The following DDX19A variants were observed in gnomAD, a reference collection of about 807,000 sequenced individuals.
DDX19A encodes the protein DEAD-box helicase 19A, also known as ATP-dependent RNA helicase DDX19A.
A neutral mutation model predicts 60.6 loss-of-function variants in DDX19A; 12 were observed. The ratio of observed to expected loss-of-function variants is 0.20; its 90% confidence interval spans 0.13 to 0.32. DDX19A has a LOEUF of 0.32. DDX19A is among the 10% of genes least tolerant of loss of function. The pLI is 1.00. For missense variants in DDX19A, 337 were observed against 600.6 expected, an observed-to-expected ratio of 0.56 and a Z score of 4.59; for synonymous variants, 206 against 218.2, an observed-to-expected ratio of 0.94 and a Z score of 0.49.
rs1010678066 is a variant in DDX19A at position 70,362,887 on chromosome 16, A to G, written c.386+1377A>G. On this transcript the variant is annotated intron_variant, in intron 5 of 11. Coordinates refer to ENST00000302243, the MANE Select transcript of DDX19A (RefSeq NM_018332.5). Reference sequence around the variant, plus strand: ...AAATTAGCCGGGCTTGGTGGCGCACACCTGTAATCCCAGCTGCTAGGGAGG... The same window carrying G: ...AAATTAGCCGGGCTTGGTGGCGCACGCCTGTAATCCCAGCTGCTAGGGAGG... Among the ~76,000 whole-genome samples the G allele has an allele frequency of 7.9e-5, 12 of 151,340 alleles. 1 individual carries two copies. In the East Asian group the frequency reaches 1.4e-3, roughly 17 times the overall value.
chr16:70,364,846 C>A, intron 6 of DDX19A, 171 bp from the exon 7 acceptor site: 1 of 673,352 alleles, frequency 1.5e-6, no homozygotes. Context: ...AGGCCTCTGC[C>A]AAGCCAGGGC....
intron 9 of DDX19A, among the ~76,000 whole-genome samples, chr16:70,369,971 T>C (rs1178063038): frequency 2.0e-5 from 3 of 152,104 alleles, no homozygotes; most frequent in Non-Finnish European, 4.4e-5. Context: ...TGTTGCACTA[T>C]ATCGGGTTTA....
At chr16:70,356,803 T>G (rs1372526768) in intron 4 of DDX19A, 1 of 1,055,450 alleles carries the variant, frequency 9.5e-7, no homozygotes, top group African/African-American at 1.7e-5. Context: ...TGCTTCAAAT[T>G]GATTTATCAT....
chr16:70,361,478 A>G lies in DDX19A; in HGVS notation c.354A>G (p.Gln118=). Residue 118 remains glutamine (Q), a synonymous_variant, in exon 5 of 12, where the codon CAA becomes CAG. Transcript: ENST00000302243. The part of the protein sequence containing the change: ...AMGFNRPSKI[Q]ENALPMMLAE... The stretch of plus-strand genomic sequence containing the variant: ...GCTTCAATCGACCCTCCAAGATACA[A>G]GAGAACGCATTACCCATGATGCTTG... 3 of 1,613,732 alleles carry G rather than the reference A, an allele frequency of 1.9e-6. No homozygotes were observed. The highest frequency in any genetic ancestry group is 2.5e-6 in the Non-Finnish European group (3 of 1,179,750).
chr16:70,371,100 A>G (rs7203548), intron 10 of DDX19A: 19,458 of 588,140 alleles, frequency 0.033, 2,858 homozygotes, highest in African/African-American at 0.32. Flanking sequence ...AACGGAGCCT[A>G]CTCTTCCAGG....
intron 7 of DDX19A, 79 bp downstream of exon 7, chr16:70,365,210 A>C: frequency 1.1e-6 from 1 of 939,160 alleles, no homozygotes; most frequent in East Asian, 2.4e-5. Context: ...CGATGACCGT[A>C]TTCAACTTTC....
intron 5 of DDX19A, 157 bp downstream of exon 5, chr16:70,361,667 C>T (rs997697217): frequency 4.1e-5 from 24 of 585,284 alleles, no homozygotes; most frequent in Non-Finnish European, 6.0e-5. Flanking sequence ...ATGGAGTTAG[C>T]TACAGTTTCT....
chr16:70,364,886 A>T, intron 6 of DDX19A, 131 bp from the exon 7 acceptor site: 1 of 756,748 alleles, frequency 1.3e-6, no homozygotes, highest in Non-Finnish European at 2.2e-6. Context: ...TCTATGGCTG[A>T]AAGGTGGGCC....
intron 4 of DDX19A, chr16:70,356,725 A>G: frequency 3.2e-6 from 1 of 308,558 alleles, no homozygotes; most frequent in Non-Finnish European, 5.8e-6. Flanking sequence ...AGTATGAAAA[A>G]ATTTGCAGTA....
intron 4 of DDX19A, among the ~76,000 whole-genome samples, chr16:70,357,176 T>C (rs1964220626): frequency 6.7e-6 from 1 of 149,788 alleles, no homozygotes; most frequent in Non-Finnish European, 1.5e-5. Context: ...AGGAGATCAC[T>C]TGAACCTGTG....
chr16:70,369,029 G>A (rs1156301435), intron 9 of DDX19A, among the ~76,000 whole-genome samples: 1 of 151,674 alleles, frequency 6.6e-6, no homozygotes, highest in Non-Finnish European at 1.5e-5. Context: ...CACCACACCT[G>A]GCTAATTTTG....
chr16:70,361,538 C>A (rs573206307), intron 5 of DDX19A, 28 bp downstream of exon 5: 2 of 1,561,622 alleles, frequency 1.3e-6, no homozygotes, highest in East Asian at 2.2e-5. Flanking sequence ...GCGCATCTCA[C>A]CCAGTGTGAT....
intron 3 of DDX19A, 175 bp from the exon 4 acceptor site, chr16:70,355,937 G>T: frequency 1.3e-6 from 1 of 791,818 alleles, no homozygotes; most frequent in Non-Finnish European, 2.0e-6. Flanking sequence ...ACTCCAGCCT[G>T]GGTGACAGCA....
intron 2 of DDX19A, among the ~76,000 whole-genome samples, chr16:70,352,415 G>A (rs1053879759): frequency 1.3e-5 from 2 of 151,148 alleles, no homozygotes; most frequent in Non-Finnish European, 2.9e-5. Context: ...TTCCTGAATA[G>A]CTGGGATTAC....
intron 2 of DDX19A, among the ~76,000 whole-genome samples, chr16:70,354,232 G>T (rs1227884767): frequency 6.6e-6 from 1 of 151,034 alleles, no homozygotes; most frequent in Non-Finnish European, 1.5e-5. Context: ...TGCAACCTCC[G>T]CCTCCCAGGT....
chr16:70,356,097 G>C lies in DDX19A; in HGVS notation c.158-15G>C. 1 of 1,613,234 alleles carries C rather than the reference G, an allele frequency of 6.2e-7. No homozygotes were observed. Among genetic ancestry groups the C allele is most frequent in the Non-Finnish European group, 8.5e-7 (1 of 1,179,984 alleles). On this transcript the variant is annotated splice_polypyrimidine_tract_variant and intron_variant, in intron 3 of 11. Coordinates refer to ENST00000302243, the MANE Select transcript of DDX19A (RefSeq NM_018332.5). ...GCCAGATGAGTATGAAGATCTACTG[G>C]TTTCTTCCTGACAGAGGACAGAGCT...
At chr16:70,348,594 TCCAG>T (rs1963918539) in intron 1 of DDX19A, among the ~76,000 whole-genome samples, 1 of 133,820 alleles carries the variant, frequency 7.5e-6, no homozygotes, top group Non-Finnish European at 1.5e-5. Flanking sequence ...GCCACTGCAC[TCCAG>T]CCTGGGCTAC....
Position 70,364,998 on chromosome 16 carries a change from T to G in DDX19A, c.490-19T>G, listed in dbSNP as rs773309555. 2 of 1,605,004 alleles carry G rather than the reference T, an allele frequency of 1.2e-6. No homozygotes were observed. Among genetic ancestry groups the G allele is most frequent in the Non-Finnish European group, 1.7e-6 (2 of 1,171,820 alleles). On this transcript the variant is annotated intron_variant, in intron 6 of 11. Transcript: ENST00000302243. ...CCAAATGGCTCTCCTAAACTCATCC[T>G]TTATGATTTTTCTGTCAGTGTCTGT... is the stretch of plus-strand genomic sequence containing the variant.
intron 10 of DDX19A, chr16:70,370,934 T>TA (rs1964664495): frequency 4.2e-6 from 1 of 237,290 alleles, no homozygotes; most frequent in South Asian, 5.4e-5. Flanking sequence ...AGGTGGAGGT[T>TA]ACGGTGAGTG....
Sources: allele counts gnomAD v4.1 joint callset (sites outside exome capture counted in the v4.1 genomes callset), GRCh38; gene constraint gnomAD v4.1.1; transcripts MANE v1.5; gene names NCBI Gene and HGNC (gene_info 2026-07-23, HGNC 2026-07-21).